Variants in ADAMTS5 observed in about 807,000 individuals in gnomAD.
ADAMTS5 encodes the protein A disintegrin and metalloproteinase with thrombospondin motifs 5.
ADAMTS5 carries 54 observed loss-of-function variants against 81.4 expected under a neutral mutation model. The observed-to-expected ratio is 0.66, with a 90% CI of 0.53 to 0.83. The LOEUF (loss-of-function observed/expected upper bound fraction) is 0.83. Ranked by LOEUF, ADAMTS5 falls within the 40% of genes least tolerant of loss-of-function variation. The probability of loss-of-function intolerance (pLI) is 0.00; values close to 1 mark genes in which losing one functional copy is unlikely to be tolerated. For missense variants in ADAMTS5, 1,194 were observed against 1,229.9 expected (o/e 0.97, Z 0.44); for synonymous variants, 532 against 508.8 (o/e 1.05, Z -0.61).
At chr21:26,958,631 C>G (rs1347144507) in intron 1 of ADAMTS5, among the ~76,000 whole-genome samples, 1 of 152,214 alleles carries the variant, frequency 6.6e-6, no homozygotes, top group African/African-American at 2.4e-5. Flanking sequence ...GAGATCCAGA[C>G]GTGTTTATTC....
chr21:26,956,742 C>T (rs760706184), intron 1 of ADAMTS5, among the ~76,000 whole-genome samples: 2 of 152,028 alleles, frequency 1.3e-5, no homozygotes, highest in Non-Finnish European at 2.9e-5. Flanking sequence ...TTACATTTTC[C>T]CTTCTTACTC....
Position 26,965,592 on chromosome 21 carries a change from C to T in ADAMTS5, c.800G>A (p.Arg267His), listed in dbSNP as rs747513616. 5.1e-5 allele frequency: 82 copies of T among 1,603,906 alleles called. No individual in the cohort carries two copies. Among genetic ancestry groups the T allele is most frequent in the South Asian group, 4.0e-4 (36 of 90,566 alleles). Residue 267 changes from arginine (R) to histidine (H), a missense_variant, in exon 1 of 8, where the codon CGC becomes CAC. This residue lies in a region of ADAMTS5 where 498 missense variants were observed against 412.3 expected (regional missense o/e 1.21). Transcript: ENST00000284987. ...AGCCACCAGAAGCAGCTCCACCTGG[C>T]GGGCCCGGGAGATGGAGCGGCGCCG... ...RRRRRSISRA[R>H]QVELLLVADA... is the part of the protein sequence containing the mutation.
intron 1 of ADAMTS5, among the ~76,000 whole-genome samples, chr21:26,955,731 CT>C (rs1460517262): frequency 1.3e-5 from 2 of 152,134 alleles, no homozygotes; most frequent in Admixed American, 1.3e-4. Flanking sequence ...TAAACTTTCC[CT>C]TTAAATGCTA....
chr21:26,932,350 G>A (rs1986926327), intron 5 of ADAMTS5, among the ~76,000 whole-genome samples, 171 bp from the exon 6 acceptor site: 1 of 151,934 alleles, frequency 6.6e-6, no homozygotes, highest in African/African-American at 2.4e-5. Flanking sequence ...AGTTCAAAAT[G>A]GTGATTATTT....
chr21:26,929,734 C>T, intron 7 of ADAMTS5, 152 bp downstream of exon 7: 1 of 587,822 alleles, frequency 1.7e-6, no homozygotes, highest in Non-Finnish European at 2.6e-6. Context: ...TCTCCTGTCT[C>T]TTCCTTCTCA....
At position 26,922,234 on chromosome 21, in the gene ADAMTS5, A is replaced by G. The variant is rs769163493; in HGVS notation, c.*1819T>C. 1.3e-5 allele frequency: 2 copies of G among 152,100 alleles called. No homozygotes were observed. Among genetic ancestry groups the G allele is most frequent in the Non-Finnish European group, 2.9e-5 (2 of 67,962 alleles). The allele number at this position is 152,100 out of a possible 1,614,324, so 9.4% of individuals were successfully genotyped here. A position where few individuals can be genotyped will look rare whatever the true frequency, so the allele number is the denominator to read the frequency against. On this transcript the variant is annotated 3_prime_UTR_variant, in exon 8 of 8. Coordinates refer to ENST00000284987, the MANE Select transcript of ADAMTS5 (RefSeq NM_007038.5). ...TCAGTCTATGAAAATTCAAAGGATAATTATTGGTTTTGTAAAACAATTATT... is the reference window on the plus strand; with the variant it reads ...TCAGTCTATGAAAATTCAAAGGATAGTTATTGGTTTTGTAAAACAATTATT...
intron 3 of ADAMTS5, among the ~76,000 whole-genome samples, chr21:26,936,059 G>A (rs1987008737): frequency 6.6e-6 from 1 of 152,170 alleles, no homozygotes; most frequent in African/African-American, 2.4e-5. Flanking sequence ...TCACACAGCT[G>A]TTATGGTTTC....
intron 1 of ADAMTS5, among the ~76,000 whole-genome samples, chr21:26,961,765 AG>A (rs1179300538): frequency 6.6e-6 from 1 of 152,192 alleles, no homozygotes; most frequent in Non-Finnish European, 1.5e-5. Context: ...TTCCTTGACA[AG>A]GGTTCACTTT....
At chr21:26,935,964 C>T (rs1048435374) in intron 3 of ADAMTS5, among the ~76,000 whole-genome samples, 1 of 152,136 alleles carries the variant, frequency 6.6e-6, no homozygotes, top group Non-Finnish European at 1.5e-5. Context: ...CACCACAACC[C>T]CATCAGGCAG....
At chr21:26,941,839 C>G (rs1311948068) in intron 3 of ADAMTS5, among the ~76,000 whole-genome samples, 1 of 152,046 alleles carries the variant, frequency 6.6e-6, no homozygotes, top group Non-Finnish European at 1.5e-5. Flanking sequence ...GAGATACTGA[C>G]CTGATCAATG....
Position 26,949,136 on chromosome 21 carries a change from G to GATATAT in ADAMTS5, c.1238-5595_1238-5590dup, listed in dbSNP as rs35477486. Reference sequence around the variant, plus strand: ...ACTTATGAGTATTCTAGTAATCAGTGATATATATATATATATATCACACAT... The same window carrying GATATAT: ...ACTTATGAGTATTCTAGTAATCAGTGATATATATATATATATATATATATCACACAT... On this transcript the variant is annotated intron_variant, in intron 2 of 7. Coordinates refer to ENST00000284987, the MANE Select transcript of ADAMTS5 (RefSeq NM_007038.5). 8.4e-4 allele frequency among the ~76,000 whole-genome samples: 122 copies of GATATAT among 145,210 alleles called. 2 individuals are homozygous for GATATAT. Among genetic ancestry groups the GATATAT allele is most frequent in the East Asian group, 2.6e-3 (13 of 4,948 alleles).
Position 26,967,010 on chromosome 21 carries a change from C to G in ADAMTS5, c.-619G>C, listed in dbSNP as rs1382946495. 2.0e-5 allele frequency among the ~76,000 whole-genome samples: 3 copies of G among 152,216 alleles called. No individual in the cohort carries two copies. Among genetic ancestry groups the G allele is most frequent in the African/African-American group, 4.8e-5 (2 of 41,460 alleles). On this transcript the variant is annotated 5_prime_UTR_variant, in exon 1 of 8. Transcript: ENST00000284987. ...AGCTGGTGAAGCGGCGTGTCTGTGT[C>G]CCTTCGGCTGCGGTCTCCTCCTGCC...
intron 2 of ADAMTS5, among the ~76,000 whole-genome samples, chr21:26,951,796 C>T (rs563582488): frequency 4.7e-4 from 68 of 145,732 alleles, no homozygotes; most frequent in Non-Finnish European, 7.2e-4. Context: ...GAGAGCTTCA[C>T]ACAGCAATCC....
chr21:26,933,044 T>A lies in ADAMTS5; in HGVS notation c.1690A>T (p.Thr564Ser), dbSNP rs894194126. 3.7e-6 allele frequency: 6 copies of A among 1,611,442 alleles called. No homozygotes were observed. Among genetic ancestry groups the A allele is most frequent in the Non-Finnish European group, 5.1e-6 (6 of 1,179,228 alleles). The change falls in exon 5 of 8, where the codon ACG (threonine) becomes TCG (serine). Residue 564 changes from threonine to serine, a missense_variant and splice_region_variant. By Grantham distance (58) the Thr-to-Ser change is moderately conservative. Around this residue, in one of 2 missense-constraint regions of ADAMTS5, gnomAD observed 696 missense variants for 817.6 expected, o/e 0.85. Transcript: ENST00000284987. ...VDKTKKKYYSTSSHGNWGSWG... is the reference protein window; with the variant it reads ...VDKTKKKYYSSSSHGNWGSWG... ...GATCCCCAGTTGCCATGGCTTGACG[T>A]CTGAAATAGAGAATAGAATATATTT...
chr21:26,929,762 T>C, intron 7 of ADAMTS5, 124 bp downstream of exon 7: 1 of 853,470 alleles, frequency 1.2e-6, no homozygotes, highest in Non-Finnish European at 1.7e-6. Context: ...AATGTGTTTC[T>C]AGAGCCACGT....
rs535144 is a variant in ADAMTS5, at chr21:26,965,660, G to A, written c.732C>T (p.Leu244=). ...GCGGTCCTGAGCCCCCAGCGGGCGA[G>A]AGAGCGGACTGGTCCAAGAGCTGCG... ...LASQLLDQSA[L]SPAGGSGPQT... is the part of the protein sequence containing the mutation. The change falls in exon 1 of 8, where the codon CTC becomes CTT. Residue 244 remains leucine (L), a synonymous_variant. Transcript: ENST00000284987. 1 of 1,591,886 alleles carries A rather than the reference G, an allele frequency of 6.3e-7. No homozygotes were observed. The highest frequency in any genetic ancestry group is 8.5e-7 in the Non-Finnish European group (1 of 1,171,682).
At chr21:26,933,787 G>A (rs1246393226) in intron 4 of ADAMTS5, among the ~76,000 whole-genome samples, 1 of 152,218 alleles carries the variant, frequency 6.6e-6, no homozygotes, top group Non-Finnish European at 1.5e-5. Flanking sequence ...ACTGTGTCAG[G>A]TTATCTGATG....
At position 26,922,054 on chromosome 21, in the gene ADAMTS5, GATT is replaced by G. The variant is rs1230956218; in HGVS notation, c.*1996_*1998del. On this transcript the variant is annotated 3_prime_UTR_variant, in exon 8 of 8. Transcript: ENST00000284987. ...TCTTTGCACAGACAAATGGCACTGG[GATT>G]ATTATTTTTTTTCTCACCTATTTAA... 2.0e-5 allele frequency: 3 copies of G among 151,954 alleles called. No homozygotes were observed. Among genetic ancestry groups the G allele is most frequent in the Non-Finnish European group, 4.4e-5 (3 of 67,926 alleles). The allele number at this position is 151,954 out of a possible 1,614,324, so 9.4% of individuals were successfully genotyped here.
chr21:26,961,483 T>A (rs865850776), intron 1 of ADAMTS5, among the ~76,000 whole-genome samples: 12 of 152,392 alleles, frequency 7.9e-5, no homozygotes, highest in South Asian at 6.2e-4. Context: ...CTAACAGTAG[T>A]GTGATTTCCA....
Sources: gnomAD v4.1 joint callset for allele counts (sites outside exome capture counted in the v4.1 genomes callset) on GRCh38, gnomAD v4.1.1 for gene constraint, gnomAD v4.1.1 regional missense constraint, MANE v1.5 for transcripts, NCBI Gene and HGNC (gene_info 2026-07-23, HGNC 2026-07-21) for gene names.